RASSF4: variants seen among roughly 807,000 people sequenced by gnomAD.
RASSF4 encodes ras association domain-containing protein 4.
In RASSF4, 38 loss-of-function variants were observed where a neutral mutation model predicts 41.1. The observed-to-expected ratio is 0.92, with a 90% confidence interval of 0.71 to 1.21. The LOEUF is 1.21. Ranked by LOEUF, RASSF4 falls within the 50% of genes most tolerant of loss-of-function variation. The pLI is 0.00. For synonymous variants in RASSF4, 179 were observed against 163.4 expected (o/e 1.10, Z -0.73); for missense variants, 414 against 419.4 (o/e 0.99, Z 0.11).
chr10:44,984,921 G>A lies in RASSF4; in HGVS notation c.482G>A (p.Arg161His), dbSNP rs114276493. 1.3e-3 allele frequency: 2,167 copies of A among 1,613,316 alleles called. 19 individuals are homozygous for A. The African/African-American group carries it at 0.023, about 17-fold the overall frequency. The change falls in exon 6 of 11, where the codon CGC becomes CAC. Residue 161 changes from arginine (R) to histidine (H), a missense_variant. Physicochemically the swap from Arg to His is conservative, Grantham distance 29. Transcript: ENST00000340258. The part of the protein sequence containing the change: ...PKCRAPGEAQ[R>H]IRRHRFSING... ...TGCCGCGCCCCCGGTGAGGCCCAGC[G>A]CATCCGGCGACACCGGTTCTCTATC...
chr10:44,967,803 G>A (rs944548845), intron 1 of RASSF4, among the ~76,000 whole-genome samples: 5 of 152,182 alleles, frequency 3.3e-5, no homozygotes, highest in African/African-American at 1.2e-4. Context: ...CTCTTGGGAG[G>A]GAAGTCTAAA....
intron 6 of RASSF4, among the ~76,000 whole-genome samples, chr10:44,986,708 T>G (rs938812659): frequency 6.6e-6 from 1 of 152,218 alleles, no homozygotes; most frequent in African/African-American, 2.4e-5. Flanking sequence ...TCCTTAGAAA[T>G]GAGGGGACAG....
At chr10:44,983,038 T>C (rs1355589220) in intron 4 of RASSF4, 1 of 484,410 alleles carries the variant, frequency 2.1e-6, no homozygotes, top group Non-Finnish European at 4.0e-6. Context: ...ACTACTCTGT[T>C]TTCATTTTAA....
chr10:44,985,604 C>G (rs564677308), intron 6 of RASSF4, among the ~76,000 whole-genome samples: 1 of 152,288 alleles, frequency 6.6e-6, no homozygotes, highest in South Asian at 2.1e-4. Flanking sequence ...AAATGCAAGC[C>G]GAGATTTCCA....
chr10:44,992,896 C>A lies in RASSF4; in HGVS notation c.906-373C>A, dbSNP rs186248305. On this transcript the variant is annotated intron_variant, in intron 10 of 10. Transcript: ENST00000340258. ...GGGATCTGGGGGGCAACTAGTGGGT[C>A]CACTCAACGTACAGAGTGGACGCTG... Among the ~76,000 whole-genome samples the A allele has an allele frequency of 7.9e-5, 12 of 152,254 alleles. No individual in the cohort carries two copies. In the East Asian group the frequency reaches 2.3e-3, roughly 29 times the overall value.
At position 44,968,066 on chromosome 10, in the gene RASSF4, G is replaced by A. The variant is rs1840976983; in HGVS notation, c.-38-2099G>A. ...CCAGGGCTTAGAGCAGGAAGTTGGGGTGGAAGCTGGATACAGAGGAAGGCA... is the reference window on the plus strand; with the variant it reads ...CCAGGGCTTAGAGCAGGAAGTTGGGATGGAAGCTGGATACAGAGGAAGGCA... On this transcript the variant is annotated intron_variant, in intron 1 of 10. Coordinates refer to ENST00000340258, the MANE Select transcript of RASSF4 (RefSeq NM_032023.4). 2.6e-5 allele frequency among the ~76,000 whole-genome samples: 4 copies of A among 152,322 alleles called. No homozygotes were observed. The South Asian group carries it at 8.3e-4, about 32-fold the overall frequency.
chr10:44,971,409 CA>C, intron 2 of RASSF4: 1 of 457,702 alleles, frequency 2.2e-6, no homozygotes, highest in Non-Finnish European at 4.3e-6. Flanking sequence ...TGTACAATGC[CA>C]AAAGCAAGTC....
intron 10 of RASSF4, 96 bp from the exon 11 acceptor site, chr10:44,993,173 T>C (rs1211963814): frequency 2.0e-5 from 20 of 987,550 alleles, no homozygotes; most frequent in Non-Finnish European, 3.0e-5. Context: ...GCTGCAGGGA[T>C]CTCCTGAGCT....
intron 3 of RASSF4, chr10:44,978,736 C>T (rs951409968): frequency 1.3e-5 from 2 of 152,430 alleles, no homozygotes; most frequent in African/African-American, 4.8e-5. Context: ...GGGGGTCCAG[C>T]GTGGGGTCGC....
chr10:44,983,202 A>C (rs1320878483), intron 4 of RASSF4: 1 of 348,176 alleles, frequency 2.9e-6, no homozygotes, highest in African/African-American at 2.1e-5. Context: ...AGACGCAGTT[A>C]GTAGCTGGGC....
chr10:44,965,013 A>C (rs1269823803), intron 1 of RASSF4, among the ~76,000 whole-genome samples: 1 of 152,242 alleles, frequency 6.6e-6, no homozygotes, highest in Non-Finnish European at 1.5e-5. Context: ...AACCAGAGAG[A>C]CCAAGTGACT....
chr10:44,967,521 G>A (rs1391185855), intron 1 of RASSF4, among the ~76,000 whole-genome samples: 2 of 152,228 alleles, frequency 1.3e-5, no homozygotes, highest in African/African-American at 2.4e-5. Context: ...CCCCGTCGAA[G>A]AAGGAATGTG....
In RASSF4 at chr10:44,991,904, G is replaced by T. The variant is rs779070849; in HGVS notation, c.808-1G>T. 18 of 1,600,576 alleles carry T rather than the reference G, an allele frequency of 1.1e-5. No individual in the cohort carries two copies. Among genetic ancestry groups the T allele is most frequent in the Non-Finnish European group, 1.5e-5 (18 of 1,170,188 alleles). On this transcript the variant is annotated splice_acceptor_variant, in intron 9 of 10. Transcript: ENST00000340258. LOFTEE classifies it high-confidence loss of function. The stretch of plus-strand genomic sequence containing the variant: ...CATTAAAATGTTCTTGGATTTTCTA[G>T]GTCGCTCAGTACATTAAGTTTGAAA...
At chr10:44,976,837 A>T (rs1235327893) in intron 3 of RASSF4, 1 of 152,454 alleles carries the variant, frequency 6.6e-6, no homozygotes, top group African/African-American at 2.4e-5. Context: ...GCCAGGTGAC[A>T]GTCCCCCGGA....
chr10:44,974,395 G>A (rs1040275148), intron 3 of RASSF4, among the ~76,000 whole-genome samples: 3 of 152,242 alleles, frequency 2.0e-5, no homozygotes, highest in South Asian at 4.1e-4. Flanking sequence ...CTAGTCCAAG[G>A]TCACATTGCA....
At chr10:44,993,216 C>T in intron 10 of RASSF4, 53 bp from the exon 11 acceptor site, 4 of 1,536,284 alleles carry the variant, frequency 2.6e-6, no homozygotes, top group Non-Finnish European at 3.6e-6. Context: ...CTGCTGCCCA[C>T]CTCCCTGCCC....
chr10:44,978,074 C>T, intron 3 of RASSF4: 1 of 1,583,872 alleles, frequency 6.3e-7, no homozygotes, highest in Non-Finnish European at 8.6e-7. Flanking sequence ...AAACAGAAGC[C>T]TGGTGGTGAG....
chr10:44,963,845 C>T (rs572254366), intron 1 of RASSF4, among the ~76,000 whole-genome samples: 1 of 152,350 alleles, frequency 6.6e-6, no homozygotes, highest in East Asian at 1.9e-4. Flanking sequence ...CAAGTGAGGA[C>T]ACCACATCTG....
Position 44,992,113 on chromosome 10 carries a change from C to G in RASSF4, c.905+111C>G. 3 of 681,670 alleles carry G rather than the reference C, an allele frequency of 4.4e-6. No individual in the cohort carries two copies. In the South Asian group the frequency reaches 5.5e-5, roughly 13 times the overall value. 42.2% of individuals were successfully genotyped at this position (681,670 alleles called of 1,614,324 possible). On this transcript the variant is annotated intron_variant, in intron 10 of 10. Transcript: ENST00000340258. The stretch of plus-strand genomic sequence containing the variant: ...TCTCTCCTCCATGGGCACCAGTACC[C>G]TGGTACGGGAAGGCCTGCTAACCCT...
Sources: gnomAD v4.1 joint callset for allele counts (sites outside exome capture counted in the v4.1 genomes callset) on GRCh38, gnomAD v4.1.1 for gene constraint, MANE v1.5 for transcripts, NCBI Gene and HGNC (gene_info 2026-07-23, HGNC 2026-07-21) for gene names.